Variants in TUFT1 observed in about 807,000 individuals in gnomAD.
The protein encoded by TUFT1 is tuftelin 1.
Under a neutral mutation model 57.8 loss-of-function variants are expected in TUFT1, and 43 were observed. The ratio of observed to expected loss-of-function variants is 0.74; its 90% CI spans 0.58 to 0.96. The LOEUF (loss-of-function observed/expected upper bound fraction) is 0.96, where lower values mean the gene tolerates loss of function less well. Among genes scored for constraint, TUFT1 ranks in the 40% least tolerant of loss-of-function variants. The pLI is 0.00. For missense variants in TUFT1, 459 were observed against 489.0 expected (o/e 0.94, Z 0.58); for synonymous variants, 166 against 176.7 (o/e 0.94, Z 0.48).
intron 6 of TUFT1, among the ~76,000 whole-genome samples, chr1:151,568,794 C>T (rs1010279184): frequency 5.9e-5 from 9 of 152,226 alleles, no homozygotes; most frequent in Non-Finnish European, 1.3e-4. Flanking sequence ...TTTCTTCTCA[C>T]AAGCTCAAAG....
chr1:151,573,272 G>T (rs1167965998), intron 7 of TUFT1, among the ~76,000 whole-genome samples: 1 of 152,134 alleles, frequency 6.6e-6, no homozygotes, highest in Non-Finnish European at 1.5e-5. Context: ...TGTGTTCCTT[G>T]TATGTCCTCT....
At chr1:151,552,704 T>C (rs1477419613) in intron 1 of TUFT1, among the ~76,000 whole-genome samples, 2 of 24,366 alleles carry the variant, frequency 8.2e-5, no homozygotes, top group African/African-American at 2.2e-4. Context: ...AGGGACTCTG[T>C]CTCAAAAAAA....
chr1:151,578,912 T>C, intron 10 of TUFT1, 86 bp downstream of exon 10: 1 of 1,052,562 alleles, frequency 9.5e-7, no homozygotes, highest in Non-Finnish European at 1.4e-6. Context: ...TTGACTTATA[T>C]TCATGCATTT....
intron 1 of TUFT1, chr1:151,545,851 TG>T: frequency 1.9e-6 from 1 of 534,026 alleles, no homozygotes; most frequent in Admixed American, 1.9e-5. Context: ...AGACTGGTGA[TG>T]GGTCAGGGTT....
At chr1:151,561,946 C>T (rs1665910692) in intron 1 of TUFT1, 145 bp from the exon 2 acceptor site, 3 of 1,488,460 alleles carry the variant, frequency 2.0e-6, no homozygotes, top group Non-Finnish European at 2.7e-6. Flanking sequence ...TGCTGCCTCC[C>T]TGGACTTCAG....
intron 1 of TUFT1, chr1:151,561,505 ACTT>A (rs1665892926): frequency 1.0e-6 from 1 of 954,410 alleles, no homozygotes; most frequent in Non-Finnish European, 1.2e-6. Context: ...ACACACACAC[ACTT>A]CTTTGACTTA....
Position 151,564,631 on chromosome 1 carries a change from C to T in TUFT1, c.414+17C>T. On this transcript the variant is annotated intron_variant, in intron 5 of 12. Coordinates refer to ENST00000368849, the MANE Select transcript of TUFT1 (RefSeq NM_020127.3). ...GAGATACAGGTAATAGGAAATGGTCCATGGTTGGGTCCCCACCGAGGAGGT... is the reference window on the plus strand; with the variant it reads ...GAGATACAGGTAATAGGAAATGGTCTATGGTTGGGTCCCCACCGAGGAGGT... 6.2e-7 allele frequency: 1 copy of T among 1,606,112 alleles called. No homozygotes were observed. The highest frequency in any genetic ancestry group is 2.2e-5 in the East Asian group (1 of 44,828).
At chr1:151,543,092 A>G (rs542532618) in intron 1 of TUFT1, among the ~76,000 whole-genome samples, 1 of 152,280 alleles carries the variant, frequency 6.6e-6, no homozygotes, top group African/African-American at 2.4e-5. Context: ...TTAGCGTATC[A>G]CATGTGGACA....
chr1:151,547,559 A>G (rs1665378478), intron 1 of TUFT1, among the ~76,000 whole-genome samples: 1 of 152,196 alleles, frequency 6.6e-6, no homozygotes. Context: ...AGGAGACAAT[A>G]TAGGGTAAGA....
intron 1 of TUFT1, among the ~76,000 whole-genome samples, chr1:151,555,818 A>C (rs1571694657): frequency 6.6e-6 from 1 of 151,614 alleles, no homozygotes; most frequent in East Asian, 1.9e-4. Context: ...ATTCACATGC[A>C]GTTATAAGAA....
chr1:151,551,970 C>T (rs1001816194), intron 1 of TUFT1, among the ~76,000 whole-genome samples: 1 of 152,158 alleles, frequency 6.6e-6, no homozygotes, highest in Non-Finnish European at 1.5e-5. Flanking sequence ...CAAATCATTA[C>T]GGGCACTGCA....
At chr1:151,566,902 C>CTTGATTGATTGACTGATTGA (rs1553250799) in intron 6 of TUFT1, among the ~76,000 whole-genome samples, 1 of 151,928 alleles carries the variant, frequency 6.6e-6, no homozygotes, top group Non-Finnish European at 1.5e-5. Flanking sequence ...CATGGCTGTA[C>CTTGATTGATTGACTGATTGA]TTGATTGATT....
At chr1:151,572,897 T>C (rs1455837241) in intron 7 of TUFT1, among the ~76,000 whole-genome samples, 1 of 152,204 alleles carries the variant, frequency 6.6e-6, no homozygotes, top group Non-Finnish European at 1.5e-5. Flanking sequence ...TTCCCAGGGC[T>C]GGCTGCTAGG....
intron 5 of TUFT1, chr1:151,565,792 A>G (rs958003682): frequency 1.9e-5 from 3 of 161,290 alleles, no homozygotes; most frequent in Non-Finnish European, 4.1e-5. Context: ...TCCCTGGCTA[A>G]GAAGAATGGG....
intron 2 of TUFT1, 84 bp downstream of exon 2, chr1:151,562,249 A>G: frequency 7.9e-7 from 1 of 1,267,554 alleles, no homozygotes; most frequent in East Asian, 2.3e-5. Flanking sequence ...TACTGCCTGG[A>G]GCCGACTCTG....
intron 1 of TUFT1, among the ~76,000 whole-genome samples, chr1:151,543,946 C>T (rs1289043708): frequency 6.6e-6 from 1 of 151,392 alleles, no homozygotes; most frequent in African/African-American, 2.4e-5. Flanking sequence ...CATTTCCCTC[C>T]TTCCCTCTCT....
In TUFT1 at chr1:151,554,807, G is replaced by T. The variant is rs369921765; in HGVS notation, c.61-7284G>T. 6.8e-5 allele frequency among the ~76,000 whole-genome samples: 9 copies of T among 132,944 alleles called. No homozygotes were observed. The East Asian group carries it at 1.2e-3, about 18-fold the overall frequency. 87.2% of individuals were successfully genotyped at this position (132,944 alleles called of 152,430 possible). A position where few individuals can be genotyped will look rare whatever the true frequency, so the allele number is the denominator to read the frequency against. The stretch of plus-strand genomic sequence containing the variant: ...CAACCTCTGCCTCCAGAGTTCAAGC[G>T]ATCCTCCTGCCTCAGCCTCCTGAGT... On this transcript the variant is annotated intron_variant, in intron 1 of 12. Transcript: ENST00000368849.
chr1:151,562,058 A>G, intron 1 of TUFT1, 33 bp from the exon 2 acceptor site: 2 of 1,607,008 alleles, frequency 1.2e-6, no homozygotes, highest in South Asian at 2.2e-5. Flanking sequence ...TGTAAAGTTG[A>G]GGGGTTATTG....
At chr1:151,558,289 C>T (rs1665777409) in intron 1 of TUFT1, among the ~76,000 whole-genome samples, 2 of 151,934 alleles carry the variant, frequency 1.3e-5, no homozygotes, top group South Asian at 4.2e-4. Context: ...TCTCTTTCAG[C>T]ATTTGAAAAA....
Sources: allele counts gnomAD v4.1 joint callset (sites outside exome capture counted in the v4.1 genomes callset), GRCh38; gene constraint gnomAD v4.1.1; transcripts MANE v1.5; gene names NCBI Gene and HGNC (gene_info 2026-07-23, HGNC 2026-07-21).